The following CDH18 variants were observed in gnomAD, a reference collection of about 807,000 sequenced individuals.
The protein encoded by CDH18 is cadherin 18.
A neutral mutation model predicts 67.9 loss-of-function variants in CDH18; 31 were observed. The observed-to-expected ratio is 0.46, with a 90% confidence interval of 0.34 to 0.62. The LOEUF (loss-of-function observed/expected upper bound fraction) is 0.62. CDH18 is among the 20% of genes least tolerant of loss of function. The pLI, the probability that CDH18 is intolerant of heterozygous loss-of-function variation, is 0.01. For missense variants in CDH18, 890 were observed against 975.5 expected (o/e 0.91, Z 1.17); for synonymous variants, 362 against 347.2 (o/e 1.04, Z -0.48).
At chr5:19,921,879 T>A (rs2150170847) in intron 2 of CDH18, among the ~76,000 whole-genome samples, 1 of 152,188 alleles carries the variant, frequency 6.6e-6, no homozygotes, top group East Asian at 1.9e-4. Context: ...TATCACTAGA[T>A]ACAACCCATA....
chr5:19,653,880 AAGTG>A (rs1755939194), intron 5 of CDH18, among the ~76,000 whole-genome samples: 1 of 152,154 alleles, frequency 6.6e-6, no homozygotes. Flanking sequence ...GGACTAGAGG[AAGTG>A]AGTGAGTGAT....
At chr5:20,258,160 T>A (rs895617610) in intron 1 of CDH18, among the ~76,000 whole-genome samples, 1 of 152,114 alleles carries the variant, frequency 6.6e-6, no homozygotes, top group African/African-American at 2.4e-5. Context: ...TATTAGAATC[T>A]TTTGTTGTAA....
chr5:20,137,333 G>T (rs1285474184), intron 2 of CDH18, among the ~76,000 whole-genome samples: 5 of 151,762 alleles, frequency 3.3e-5, no homozygotes, highest in Non-Finnish European at 7.4e-5. Context: ...TCATTCATTT[G>T]ATGTTCAATC....
chr5:19,593,737 T>C (rs351317), intron 6 of CDH18, among the ~76,000 whole-genome samples: 1,429 of 138,648 alleles, frequency 0.01, 25 homozygotes, highest in African/African-American at 0.034. Flanking sequence ...TTCTTCTTCT[T>C]CTTCTTCTTC....
At chr5:20,150,736 T>C (rs991782117) in intron 2 of CDH18, among the ~76,000 whole-genome samples, 9 of 152,090 alleles carry the variant, frequency 5.9e-5, no homozygotes, top group African/African-American at 2.2e-4. Flanking sequence ...ATAGATCCAT[T>C]ATGTTTTTCT....
At position 20,034,121 on chromosome 5, in the gene CDH18, G is replaced by T. The variant is rs570859734; in HGVS notation, c.-517-42107C>A. ...TGTGGATGGAAATATGGTGTGTGTGGGGGGAAAAGAATTGTGACTGTACAT... is the reference window on the plus strand; with the variant it reads ...TGTGGATGGAAATATGGTGTGTGTGTGGGGAAAAGAATTGTGACTGTACAT... On this transcript the variant is annotated intron_variant, in intron 2 of 14. Transcript: ENST00000507958. Among the ~76,000 whole-genome samples, 9 of 152,036 alleles carry T rather than the reference G, an allele frequency of 5.9e-5. No homozygotes were observed. In the East Asian group the frequency reaches 7.7e-4, roughly 13 times the overall value.
chr5:19,771,255 A>G (rs984945270), intron 3 of CDH18, among the ~76,000 whole-genome samples: 1 of 152,178 alleles, frequency 6.6e-6, no homozygotes, highest in Non-Finnish European at 1.5e-5. Flanking sequence ...TAATAAGATA[A>G]AAGTGATGGA....
chr5:20,389,142 G>A (rs1353913826), intron 1 of CDH18, among the ~76,000 whole-genome samples: 3 of 152,090 alleles, frequency 2.0e-5, no homozygotes, highest in Admixed American at 1.3e-4. Context: ...GTCTAATGTT[G>A]ACAGTGGGGT....
intron 5 of CDH18, among the ~76,000 whole-genome samples, chr5:19,717,379 C>T (rs1765462159): frequency 6.7e-6 from 1 of 148,574 alleles, no homozygotes; most frequent in African/African-American, 2.5e-5. Context: ...CAGTTAAAAA[C>T]TACACTGGTC....
chr5:19,789,815 G>T (rs1369977651), intron 3 of CDH18, among the ~76,000 whole-genome samples: 1 of 151,874 alleles, frequency 6.6e-6, no homozygotes. Context: ...AATTAGCAAT[G>T]TGAGTAAAAA....
chr5:20,244,374 T>C (rs1166806909), intron 2 of CDH18, among the ~76,000 whole-genome samples: 3 of 152,122 alleles, frequency 2.0e-5, no homozygotes, highest in African/African-American at 7.2e-5. Flanking sequence ...ATTAGACTTA[T>C]CATCTTGTAA....
At chr5:19,539,435 T>C (rs1279261155) in intron 9 of CDH18, among the ~76,000 whole-genome samples, 4 of 152,220 alleles carry the variant, frequency 2.6e-5, no homozygotes, top group African/African-American at 7.2e-5. Flanking sequence ...CATGAATGCA[T>C]GAACTCATAT....
intron 3 of CDH18, among the ~76,000 whole-genome samples, chr5:19,792,926 C>T (rs552575823): frequency 4.1e-4 from 62 of 152,182 alleles, no homozygotes; most frequent in Admixed American, 3.9e-4. Context: ...TTTGTGATTA[C>T]GTTAGATAGC....
chr5:19,840,795 T>C (rs1200582125), intron 2 of CDH18, among the ~76,000 whole-genome samples: 1 of 152,208 alleles, frequency 6.6e-6, no homozygotes, highest in East Asian at 1.9e-4. Context: ...GTATTATATA[T>C]GTGTGCTTGA....
At position 20,218,668 on chromosome 5, in the gene CDH18, G is replaced by T. The variant is rs918090209; in HGVS notation, c.-518+36776C>A. On this transcript the variant is annotated intron_variant, in intron 2 of 14. Coordinates refer to the CDH18 transcript ENST00000507958. Reference sequence around the variant, plus strand: ...ATATTGTTCTCGTAGTAGAAAATAAGTCTCATGAGATCTGATGGTTTTATC... The same window carrying T: ...ATATTGTTCTCGTAGTAGAAAATAATTCTCATGAGATCTGATGGTTTTATC... Among the ~76,000 whole-genome samples, 4 of 151,914 alleles carry T rather than the reference G, an allele frequency of 2.6e-5. No individual in the cohort carries two copies. In the South Asian group the frequency reaches 6.2e-4, roughly 24 times the overall value.
chr5:20,505,097 T>TAAAAAAA (rs35419542), intron 1 of CDH18, among the ~76,000 whole-genome samples: 1 of 150,960 alleles, frequency 6.6e-6, no homozygotes, highest in Non-Finnish European at 1.5e-5. Context: ...AAGTTACTAG[T>TAAAAAAA]AAAAAAAAAT....
chr5:20,169,771 C>T (rs1736553811), intron 2 of CDH18, among the ~76,000 whole-genome samples: 2 of 152,100 alleles, frequency 1.3e-5, no homozygotes, highest in South Asian at 4.1e-4. Flanking sequence ...GATTTATTAA[C>T]TTTTCAATTG....
intron 2 of CDH18, among the ~76,000 whole-genome samples, chr5:20,061,539 A>G (rs1159825313): frequency 2.0e-5 from 3 of 152,188 alleles, no homozygotes; most frequent in African/African-American, 7.2e-5. Context: ...TGTTTGATGT[A>G]CATGCAGTAA....
chr5:20,457,967 A>G (rs1750961031), intron 1 of CDH18, among the ~76,000 whole-genome samples: 1 of 152,234 alleles, frequency 6.6e-6, no homozygotes, highest in Non-Finnish European at 1.5e-5. Context: ...TTATCTTCCC[A>G]TTCAGTTGAC....
Sources: allele counts gnomAD v4.1 joint callset (sites outside exome capture counted in the v4.1 genomes callset), GRCh38; gene constraint gnomAD v4.1.1; transcripts MANE v1.5; gene names NCBI Gene and HGNC (gene_info 2026-07-23, HGNC 2026-07-21).